GNG2: variants seen among roughly 807,000 people sequenced by gnomAD.
GNG2 encodes guanine nucleotide-binding protein G(I)/G(S)/G(O) subunit gamma-2.
In GNG2, 5 loss-of-function variants were observed where a neutral mutation model predicts 5.5. The observed-to-expected ratio is 0.91, with a 90% CI of 0.48 to 1.92. GNG2 has a LOEUF of 1.92. Ranked by LOEUF, GNG2 falls within the 30% of genes most tolerant of loss-of-function variation. The pLI, the probability that GNG2 is intolerant of heterozygous loss-of-function variation, is 0.01. For synonymous variants in GNG2, 28 were observed against 32.0 expected, an observed-to-expected ratio of 0.88 and a Z score of 0.42; for missense variants, 55 against 88.4, an observed-to-expected ratio of 0.62 and a Z score of 1.52.
intron 2 of GNG2, among the ~76,000 whole-genome samples, chr14:51,881,311 C>G (rs1316512549): frequency 6.6e-6 from 1 of 152,184 alleles, no homozygotes; most frequent in East Asian, 1.9e-4. Flanking sequence ...ATTAGGAAGA[C>G]TATCTGGAAT....
chr14:51,885,009 G>T (rs1884349045), intron 2 of GNG2, among the ~76,000 whole-genome samples: 1 of 152,126 alleles, frequency 6.6e-6, no homozygotes. Context: ...GACAGAATCA[G>T]GTCCAATGCA....
At chr14:51,952,333 G>A (rs764313804) in intron 3 of GNG2, among the ~76,000 whole-genome samples, 22 of 152,132 alleles carry the variant, frequency 1.4e-4, no homozygotes, top group Admixed American at 3.9e-4. Context: ...TCACTAAAGC[G>A]ACCTTACCGT....
chr14:51,946,682 T>G (rs1888662127), intron 2 of GNG2, among the ~76,000 whole-genome samples: 1 of 152,154 alleles, frequency 6.6e-6, no homozygotes, highest in Admixed American at 6.5e-5. Context: ...CCCTCACCAG[T>G]TGATTCGACT....
chr14:51,887,330 GTGGGT>G (rs1165845078), intron 2 of GNG2, among the ~76,000 whole-genome samples: 1 of 152,196 alleles, frequency 6.6e-6, no homozygotes, highest in East Asian at 1.9e-4. Flanking sequence ...TACCTGGCTA[GTGGGT>G]TGAGTGGCCA....
chr14:51,853,254 G>A (rs1374217655), intron 2 of GNG2, among the ~76,000 whole-genome samples: 2 of 152,218 alleles, frequency 1.3e-5, no homozygotes, highest in Non-Finnish European at 2.9e-5. Flanking sequence ...TGTGCGAGGT[G>A]GGTGCTGAAG....
chr14:51,904,327 G>A (rs759467268), intron 2 of GNG2, among the ~76,000 whole-genome samples: 10 of 152,194 alleles, frequency 6.6e-5, no homozygotes, highest in Non-Finnish European at 1.0e-4. Context: ...TACCTGTACC[G>A]TAGCTGCAAG....
At chr14:51,950,798 C>A (rs962091300) in intron 3 of GNG2, 33 bp downstream of exon 3, 2 of 1,376,668 alleles carry the variant, frequency 1.5e-6, no homozygotes, top group Non-Finnish European at 2.0e-6. Context: ...CTTCATCTAG[C>A]GTGAGTCTAA....
intron 2 of GNG2, among the ~76,000 whole-genome samples, chr14:51,949,419 C>T (rs142868071): frequency 3.0e-4 from 46 of 152,144 alleles, no homozygotes; most frequent in African/African-American, 9.4e-4. Context: ...GAATTTGTTA[C>T]GGGTTATTCT....
At chr14:51,945,550 T>C (rs1014193505) in intron 2 of GNG2, among the ~76,000 whole-genome samples, 4 of 152,132 alleles carry the variant, frequency 2.6e-5, no homozygotes, top group Admixed American at 6.6e-5. Context: ...AAGTTATTGT[T>C]TGATGGGTAT....
intron 2 of GNG2, among the ~76,000 whole-genome samples, chr14:51,943,348 G>C (rs1408935687): frequency 3.3e-5 from 5 of 152,080 alleles, no homozygotes; most frequent in African/African-American, 9.7e-5. Flanking sequence ...CCATTTCAGT[G>C]GTTAATGAAT....
intron 2 of GNG2, among the ~76,000 whole-genome samples, chr14:51,851,763 C>CT (rs1467453973): frequency 2.0e-5 from 3 of 152,134 alleles, no homozygotes; most frequent in African/African-American, 4.8e-5. Context: ...AAAATCTTAT[C>CT]TTTTCTCTAG....
At chr14:51,866,104 T>C (rs1882863802) in intron 1 of GNG2, among the ~76,000 whole-genome samples, 1 of 152,172 alleles carries the variant, frequency 6.6e-6, no homozygotes. Flanking sequence ...TGAAAAAGCT[T>C]TGAAAAACCA....
chr14:51,899,777 C>G (rs1273294384), intron 2 of GNG2, among the ~76,000 whole-genome samples: 1 of 152,214 alleles, frequency 6.6e-6, no homozygotes, highest in African/African-American at 2.4e-5. Context: ...ATTTTTATGA[C>G]TGGCTTATTT....
At chr14:51,938,886 T>C (rs1340068784) in intron 2 of GNG2, among the ~76,000 whole-genome samples, 1 of 152,188 alleles carries the variant, frequency 6.6e-6, no homozygotes, top group Non-Finnish European at 1.5e-5. Flanking sequence ...ACACTGAGGA[T>C]TTAGGATGGA....
chr14:51,969,664 A>G lies in GNG2; in HGVS notation c.*2977A>G, dbSNP rs973315062. 1.3e-5 allele frequency: 2 copies of G among 152,222 alleles called. No homozygotes were observed. The highest frequency in any genetic ancestry group is 2.9e-5 in the Non-Finnish European group (2 of 68,048). The allele number at this position is 152,222 out of a possible 1,614,324, so 9.4% of individuals were successfully genotyped here. A position where few individuals can be genotyped will look rare whatever the true frequency, so the allele number is the denominator to read the frequency against. On this transcript the variant is annotated 3_prime_UTR_variant, in exon 4 of 4. Transcript: ENST00000556766. ...AAAGTTGTTCACATTTTTCCTATAT[A>G]AGATCTGTGGAGTGTGTGTTTCAAA...
intron 2 of GNG2, among the ~76,000 whole-genome samples, chr14:51,942,499 T>G (rs1888374519): frequency 6.6e-6 from 1 of 151,768 alleles, no homozygotes; most frequent in South Asian, 2.1e-4. Context: ...TGCCAGTGAG[T>G]CCAGTATGGG....
chr14:51,841,231 A>T (rs1380001640), intron 2 of GNG2, among the ~76,000 whole-genome samples: 1 of 152,188 alleles, frequency 6.6e-6, no homozygotes, highest in Non-Finnish European at 1.5e-5. Context: ...CATTTTAAGT[A>T]ATGGTTCCCA....
intron 2 of GNG2, among the ~76,000 whole-genome samples, chr14:51,844,715 C>T (rs1881576240): frequency 2.0e-5 from 3 of 152,162 alleles, no homozygotes; most frequent in Admixed American, 2.0e-4. Flanking sequence ...ATCTGTTCCT[C>T]TTTACCTCCT....
At chr14:51,933,256 G>T (rs1419149611) in intron 2 of GNG2, among the ~76,000 whole-genome samples, 1 of 152,186 alleles carries the variant, frequency 6.6e-6, no homozygotes, top group Non-Finnish European at 1.5e-5. Context: ...ATAAGATTAG[G>T]ACTGAGAAGT....
Sources: gnomAD v4.1 joint callset for allele counts (sites outside exome capture counted in the v4.1 genomes callset) on GRCh38, gnomAD v4.1.1 for gene constraint, MANE v1.5 for transcripts, NCBI Gene and HGNC (gene_info 2026-07-23, HGNC 2026-07-21) for gene names.